B3GALT1: variants seen among roughly 807,000 people sequenced by gnomAD.
B3GALT1 encodes the protein UDP-Gal:betaGlcNAc beta 1,3-galactosyltransferase, polypeptide 1.
A neutral mutation model predicts 23.2 loss-of-function variants in B3GALT1; 10 were observed. The ratio of observed to expected loss-of-function variants is 0.43; its 90% CI spans 0.27 to 0.73. B3GALT1 has a LOEUF of 0.73. Ranked by LOEUF, B3GALT1 falls within the 30% of genes least tolerant of loss-of-function variation. B3GALT1 has a pLI of 0.21. For synonymous variants in B3GALT1, 156 were observed against 141.5 expected (o/e 1.10, Z -0.73); for missense variants, 299 against 405.4 (o/e 0.74, Z 2.25).
At chr2:167,417,497 G>A (rs6728884) in intron 1 of B3GALT1, among the ~76,000 whole-genome samples, 65,548 of 152,090 alleles carry the variant, frequency 0.43, 18,095 homozygotes, top group Non-Finnish European at 0.61. Flanking sequence ...CTTTTTAGGT[G>A]TTCTGCTATA....
At chr2:167,422,424 T>C (rs2105302354) in intron 1 of B3GALT1, among the ~76,000 whole-genome samples, 1 of 152,300 alleles carries the variant, frequency 6.6e-6, no homozygotes, top group East Asian at 1.9e-4. Context: ...GGTATTTTGT[T>C]GAAGCAGCCT....
In B3GALT1 at chr2:167,748,538, T is replaced by C. The variant is rs567357842; in HGVS notation, c.-351-70134T>C. 2.0e-5 allele frequency among the ~76,000 whole-genome samples: 3 copies of C among 152,270 alleles called. No homozygotes were observed. The East Asian group carries it at 5.8e-4, about 29-fold the overall frequency. ...TGGGGGTTGAGAGATCTCACAGTCC[T>C]GTAGGGACTTTTGAGCTGAGGTATC... On this transcript the variant is annotated intron_variant, in intron 3 of 4. Coordinates refer to ENST00000392690, the MANE Select transcript of B3GALT1 (RefSeq NM_020981.4).
chr2:167,551,709 A>T (rs910476689), intron 2 of B3GALT1, among the ~76,000 whole-genome samples: 2 of 152,042 alleles, frequency 1.3e-5, no homozygotes, highest in Admixed American at 6.5e-5. Flanking sequence ...CCTTTTTCTA[A>T]TTTAACCACC....
intron 4 of B3GALT1, among the ~76,000 whole-genome samples, chr2:167,867,119 G>T (rs543919347): frequency 6.6e-6 from 1 of 152,010 alleles, no homozygotes; most frequent in Non-Finnish European, 1.5e-5. Flanking sequence ...GTAGAGACGG[G>T]GTTTCACCGT....
chr2:167,651,511 G>C (rs1026225121), intron 3 of B3GALT1, among the ~76,000 whole-genome samples: 2 of 152,058 alleles, frequency 1.3e-5, no homozygotes, highest in Non-Finnish European at 2.9e-5. Context: ...TTCATTCAGA[G>C]AGAAAAAGAG....
chr2:167,407,511 T>G (rs1354872005), intron 1 of B3GALT1, among the ~76,000 whole-genome samples: 1 of 151,242 alleles, frequency 6.6e-6, no homozygotes, highest in East Asian at 1.9e-4. Flanking sequence ...ATAAATGAAA[T>G]TAAGACAATA....
At chr2:167,391,773 A>C (rs1040582449) in intron 1 of B3GALT1, among the ~76,000 whole-genome samples, 13 of 152,118 alleles carry the variant, frequency 8.5e-5, no homozygotes, top group Non-Finnish European at 1.9e-4. Context: ...CCTACTGTAA[A>C]GGGATTGTAA....
At chr2:167,353,791 C>T (rs1697356697) in intron 1 of B3GALT1, among the ~76,000 whole-genome samples, 1 of 152,000 alleles carries the variant, frequency 6.6e-6, no homozygotes, top group South Asian at 2.1e-4. Flanking sequence ...CAAATACTTG[C>T]CTAATAGGTG....
chr2:167,407,870 T>A (rs1698327031), intron 1 of B3GALT1, among the ~76,000 whole-genome samples: 1 of 152,120 alleles, frequency 6.6e-6, no homozygotes, highest in Non-Finnish European at 1.5e-5. Context: ...CAGGACCTGA[T>A]TACTTCACTC....
intron 3 of B3GALT1, among the ~76,000 whole-genome samples, chr2:167,711,684 A>G (rs1291083723): frequency 2.0e-5 from 3 of 152,186 alleles, no homozygotes; most frequent in Admixed American, 1.3e-4. Flanking sequence ...AAAAATTCCA[A>G]CTGGGAGTGG....
At chr2:167,439,456 C>T (rs1207719540) in intron 1 of B3GALT1, among the ~76,000 whole-genome samples, 1 of 152,066 alleles carries the variant, frequency 6.6e-6, no homozygotes, top group Non-Finnish European at 1.5e-5. Context: ...GGTGTATATG[C>T]ATATACTTTT....
chr2:167,653,753 C>G (rs1685905815), intron 3 of B3GALT1, among the ~76,000 whole-genome samples: 1 of 152,102 alleles, frequency 6.6e-6, no homozygotes, highest in Admixed American at 6.6e-5. Flanking sequence ...ATTAAAGTAG[C>G]AAAACCACCT....
rs1397564776 is a variant in B3GALT1 at position 167,871,065 on chromosome 2, A to AAAAC, written c.*1047_*1050dup. 1 of 152,966 alleles carries AAAAC rather than the reference A, an allele frequency of 6.5e-6. No homozygotes were observed. The highest frequency in any genetic ancestry group is 2.4e-5 in the African/African-American group (1 of 41,456). 9.5% of individuals were successfully genotyped at this position (152,966 alleles called of 1,614,324 possible). On this transcript the variant is annotated 3_prime_UTR_variant, in exon 5 of 5. Transcript: ENST00000392690. Reference sequence around the variant, plus strand: ...ACTTGGCCCTACTTGCTAACATCTGAAAACACCAGAGCATGTTCAGCAGCA... The same window carrying AAAAC: ...ACTTGGCCCTACTTGCTAACATCTGAAAACAAACACCAGAGCATGTTCAGCAGCA...
intron 1 of B3GALT1, among the ~76,000 whole-genome samples, chr2:167,370,938 A>G (rs1916751): frequency 0.8 from 122,068 of 152,028 alleles, 50,955 homozygotes; most frequent in East Asian, 0.92. Flanking sequence ...AAACAAGCAA[A>G]CAAACAAACA....
At chr2:167,374,417 A>T (rs781208251) in intron 1 of B3GALT1, among the ~76,000 whole-genome samples, 1 of 152,134 alleles carries the variant, frequency 6.6e-6, no homozygotes, top group Non-Finnish European at 1.5e-5. Flanking sequence ...GTTCTGTTTT[A>T]AGTTTTTTGA....
chr2:167,412,208 T>C (rs901377919), intron 1 of B3GALT1, among the ~76,000 whole-genome samples: 2 of 152,200 alleles, frequency 1.3e-5, no homozygotes, highest in African/African-American at 4.8e-5. Flanking sequence ...AATGTCTCTT[T>C]TCATCAAAAA....
At chr2:167,606,748 T>G (rs546612058) in intron 2 of B3GALT1, among the ~76,000 whole-genome samples, 70 of 152,316 alleles carry the variant, frequency 4.6e-4, no homozygotes, top group African/African-American at 1.7e-3. Flanking sequence ...ACTTCTATGC[T>G]CTATTGAAAG....
intron 1 of B3GALT1, among the ~76,000 whole-genome samples, chr2:167,401,246 C>T (rs2105289238): frequency 6.6e-6 from 1 of 152,196 alleles, no homozygotes; most frequent in Non-Finnish European, 1.5e-5. Flanking sequence ...AATTAACCTT[C>T]CGTCTTTCCT....
intron 1 of B3GALT1, among the ~76,000 whole-genome samples, chr2:167,368,476 A>G (rs1224486848): frequency 6.6e-6 from 1 of 152,146 alleles, no homozygotes; most frequent in Non-Finnish European, 1.5e-5. Flanking sequence ...GGGTCTGGCT[A>G]TCTAGAGGGC....
Sources: gnomAD v4.1 joint callset for allele counts (sites outside exome capture counted in the v4.1 genomes callset) on GRCh38, gnomAD v4.1.1 for gene constraint, MANE v1.5 for transcripts, NCBI Gene and HGNC (gene_info 2026-07-23, HGNC 2026-07-21) for gene names.